The following CUX1 variants were observed in gnomAD, a reference collection of about 807,000 sequenced individuals.
The protein encoded by CUX1 is cut like homeobox 1.
Under a neutral mutation model 158.8 loss-of-function variants are expected in CUX1, and 31 were observed. The ratio of observed to expected loss-of-function variants is 0.20; its 90% CI spans 0.15 to 0.26. The LOEUF (loss-of-function observed/expected upper bound fraction) is 0.26, where lower values mean the gene tolerates loss of function less well. CUX1 is among the 10% of genes least tolerant of loss of function. The probability of loss-of-function intolerance (pLI) is 1.00; values close to 1 mark genes in which losing one functional copy is unlikely to be tolerated. For synonymous variants in CUX1, 879 were observed against 862.1 expected (o/e 1.02, Z -0.34); for missense variants, 1,589 against 2,014.6 (o/e 0.79, Z 4.04).
intron 21 of CUX1, among the ~76,000 whole-genome samples, chr7:102,231,221 G>C (rs981230787): frequency 6.6e-6 from 1 of 151,934 alleles, no homozygotes; most frequent in African/African-American, 2.4e-5. Context: ...TAGTAGAGAC[G>C]GGGTTTCACT....
At chr7:102,030,847 G>A (rs755304082) in intron 3 of CUX1, among the ~76,000 whole-genome samples, 28 of 151,718 alleles carry the variant, frequency 1.8e-4, no homozygotes, top group Admixed American at 2.6e-4. Flanking sequence ...CTATACATGT[G>A]CACCACCACA....
intron 2 of CUX1, among the ~76,000 whole-genome samples, chr7:101,945,399 G>A (rs1933080216): frequency 6.6e-6 from 1 of 152,088 alleles, no homozygotes; most frequent in African/African-American, 2.4e-5. Context: ...TATTTAAATT[G>A]CGAGTACATT....
At chr7:101,928,379 T>TC (rs1345407789) in intron 2 of CUX1, among the ~76,000 whole-genome samples, 2 of 151,008 alleles carry the variant, frequency 1.3e-5, no homozygotes, top group East Asian at 3.9e-4. Context: ...TTTTTTCTTT[T>TC]TTTTTTTTTG....
chr7:102,268,904 C>G (rs1474200968), intron 14 of CUX1, among the ~76,000 whole-genome samples: 12 of 151,750 alleles, frequency 7.9e-5, no homozygotes, highest in Non-Finnish European at 1.6e-4. Flanking sequence ...CAAACACCTC[C>G]CACCAGGCCC....
chr7:102,092,701 C>G (rs1393625953), intron 4 of CUX1, among the ~76,000 whole-genome samples: 3 of 151,926 alleles, frequency 2.0e-5, no homozygotes. Flanking sequence ...TGCTTGAGGC[C>G]GGGGGTTGAA....
intron 1 of CUX1, among the ~76,000 whole-genome samples, chr7:101,879,027 C>T (rs1799444710): frequency 6.6e-6 from 1 of 152,252 alleles, no homozygotes; most frequent in East Asian, 1.9e-4. Flanking sequence ...TCTGTTAGGG[C>T]GAGAAGCCCA....
At chr7:102,266,949 T>C (rs112654413) in intron 14 of CUX1, among the ~76,000 whole-genome samples, 53 of 152,244 alleles carry the variant, frequency 3.5e-4, no homozygotes, top group African/African-American at 1.2e-3. Flanking sequence ...CATGTGTACA[T>C]GCCTGCTAGG....
intron 23 of CUX1, among the ~76,000 whole-genome samples, chr7:102,240,355 A>G (rs1323970510): frequency 6.6e-6 from 1 of 152,090 alleles, no homozygotes; most frequent in African/African-American, 2.4e-5. Flanking sequence ...TGCAGGCTGG[A>G]ACTCCTGGGC....
intron 2 of CUX1, among the ~76,000 whole-genome samples, chr7:101,992,988 G>T (rs1371667149): frequency 6.6e-6 from 1 of 152,130 alleles, no homozygotes; most frequent in Non-Finnish European, 1.5e-5. Flanking sequence ...GCTCTGGGTG[G>T]CCGACTAGGT....
intron 2 of CUX1, among the ~76,000 whole-genome samples, chr7:101,930,587 A>G (rs1806173797): frequency 6.6e-6 from 1 of 152,248 alleles, no homozygotes; most frequent in Non-Finnish European, 1.5e-5. Context: ...TGAGTGGCAT[A>G]AAAGTGAGTT....
intron 16 of CUX1, among the ~76,000 whole-genome samples, chr7:102,274,769 G>T (rs1328872004): frequency 1.3e-5 from 2 of 152,238 alleles, no homozygotes; most frequent in African/African-American, 4.8e-5. Context: ...AAGTGCAGCC[G>T]GAGGTCCGTG....
At chr7:102,143,817 G>A (rs1453839902) in intron 8 of CUX1, among the ~76,000 whole-genome samples, 1 of 151,572 alleles carries the variant, frequency 6.6e-6, no homozygotes, top group African/African-American at 2.4e-5. Context: ...GTCTCAATCT[G>A]TCTCACCAAG....
At chr7:101,896,976 G>T (rs577274929) in intron 1 of CUX1, among the ~76,000 whole-genome samples, 1 of 152,330 alleles carries the variant, frequency 6.6e-6, no homozygotes, top group Non-Finnish European at 1.5e-5. Context: ...GCCTGGCTCA[G>T]CAGTGGCCCC....
chr7:102,064,265 G>A lies in CUX1; in HGVS notation c.190-6074G>A, dbSNP rs144189482. On this transcript the variant is annotated intron_variant, in intron 3 of 23. Coordinates refer to ENST00000292535, the MANE Select transcript of CUX1 (RefSeq NM_181552.4). The stretch of plus-strand genomic sequence containing the variant: ...GAGTTTTGCTGTGTTGCCCAGGTTG[G>A]TCTTGAACTCCTGGGCTCAAGCGAC... Among the ~76,000 whole-genome samples, 447 of 152,224 alleles carry A rather than the reference G, an allele frequency of 2.9e-3. 2 individuals are homozygous for A. The highest frequency in any genetic ancestry group is 0.01 in the African/African-American group (433 of 41,508).
At chr7:101,839,491 A>G (rs574263441) in intron 1 of CUX1, among the ~76,000 whole-genome samples, 23 of 152,096 alleles carry the variant, frequency 1.5e-4, no homozygotes, top group Admixed American at 2.6e-4. Flanking sequence ...TTCCCCCACA[A>G]TCTCATCCGT....
intron 14 of CUX1, among the ~76,000 whole-genome samples, chr7:102,196,206 C>T (rs7788596): frequency 0.29 from 44,543 of 152,166 alleles, 6,862 homozygotes; most frequent in Middle Eastern, 0.37. Flanking sequence ...GGGCTCGGTA[C>T]GGTGCATCGC....
chr7:101,876,471 C>T (rs933915018), intron 1 of CUX1, among the ~76,000 whole-genome samples: 2 of 151,678 alleles, frequency 1.3e-5, no homozygotes, highest in South Asian at 2.1e-4. Flanking sequence ...CCAAGGCAGG[C>T]GGATCACGAG....
chr7:101,936,445 C>T (rs1195649637), intron 2 of CUX1, among the ~76,000 whole-genome samples: 1 of 152,086 alleles, frequency 6.6e-6, no homozygotes, highest in Non-Finnish European at 1.5e-5. Context: ...ATCCGGCACT[C>T]GGGCTGGCGA....
At chr7:102,150,628 G>A (rs1362969804) in intron 8 of CUX1, among the ~76,000 whole-genome samples, 8 of 152,324 alleles carry the variant, frequency 5.3e-5, no homozygotes, top group South Asian at 2.1e-4. Flanking sequence ...ACCGTGCCCC[G>A]ATGCCACGCG....
Sources: gnomAD v4.1 joint callset for allele counts (sites outside exome capture counted in the v4.1 genomes callset) on GRCh38, gnomAD v4.1.1 for gene constraint, MANE v1.5 for transcripts, NCBI Gene and HGNC (gene_info 2026-07-23, HGNC 2026-07-21) for gene names.